DDX50: variants seen among roughly 807,000 people sequenced by gnomAD.
DDX50 encodes ATP-dependent RNA helicase DDX50.
Under a neutral mutation model 94.8 loss-of-function variants are expected in DDX50, and 56 were observed. The ratio of observed to expected loss-of-function variants is 0.59; its 90% CI spans 0.48 to 0.74. The LOEUF is 0.74. DDX50 is among the 30% of genes least tolerant of loss of function. The probability of loss-of-function intolerance (pLI) is 0.00; values close to 1 mark genes in which losing one functional copy is unlikely to be tolerated. For missense variants in DDX50, 713 were observed against 881.2 expected (o/e 0.81, Z 2.42); for synonymous variants, 264 against 295.4 (o/e 0.89, Z 1.09).
chr10:68,919,774 G>T (rs1841894735), intron 7 of DDX50, 58 bp from the exon 8 acceptor site: 1 of 1,585,528 alleles, frequency 6.3e-7, no homozygotes, highest in Non-Finnish European at 8.6e-7. Flanking sequence ...ATACACAAGA[G>T]AAATATTTTA....
intron 1 of DDX50, among the ~76,000 whole-genome samples, chr10:68,904,131 C>T (rs1428609856): frequency 2.0e-5 from 3 of 147,832 alleles, no homozygotes; most frequent in South Asian, 2.1e-4. Context: ...GCAACAAGAG[C>T]GAAACTCCGT....
Position 68,901,381 on chromosome 10 carries a change from A to G in DDX50, c.-4A>G, listed in dbSNP as rs768245849. 2 of 1,541,068 alleles carry G rather than the reference A, an allele frequency of 1.3e-6. No homozygotes were observed. The highest frequency in any genetic ancestry group is 4.0e-5 in the Admixed American group (2 of 49,956). ...TGCCCGGAGGGAGGCGGCGGTGGCC[A>G]GTAATGCCTGGGAAACTCCTCTGGG... is the stretch of plus-strand genomic sequence containing the variant. On this transcript the variant is annotated 5_prime_UTR_variant, in exon 1 of 15. Transcript: ENST00000373585.
intron 1 of DDX50, among the ~76,000 whole-genome samples, chr10:68,905,792 A>G (rs952072229): frequency 2.0e-5 from 3 of 152,234 alleles, no homozygotes; most frequent in East Asian, 3.8e-4. Flanking sequence ...GTATGCCTGT[A>G]GTCCCAGCTA....
Position 68,934,952 on chromosome 10 carries a change from C to A in DDX50, c.1521+34C>A. ...AGTTAAATTATTTCAGGCTTATTGTCTAAATGGTGCCTTAAAAGAGAGCTC... is the reference window on the plus strand; with the variant it reads ...AGTTAAATTATTTCAGGCTTATTGTATAAATGGTGCCTTAAAAGAGAGCTC... On this transcript the variant is annotated intron_variant, in intron 10 of 14. Coordinates refer to ENST00000373585, the MANE Select transcript of DDX50 (RefSeq NM_024045.2). This position sits in a 1 kb window ranked among gnomAD's most constrained non-coding sequence, Gnocchi z 4.0. The A allele has an allele frequency of 6.3e-7, 1 of 1,594,882 alleles. No individual in the cohort carries two copies. The highest frequency in any genetic ancestry group is 1.1e-5 in the South Asian group (1 of 87,840).
chr10:68,906,641 C>G (rs963652374), intron 1 of DDX50, 70 bp from the exon 2 acceptor site: 1 of 1,538,538 alleles, frequency 6.5e-7, no homozygotes, highest in Admixed American at 2.2e-5. Context: ...GGGAGTCATG[C>G]TCTAACTTCT....
intron 1 of DDX50, among the ~76,000 whole-genome samples, chr10:68,903,519 G>A (rs1279044681): frequency 1.4e-5 from 2 of 147,282 alleles, no homozygotes; most frequent in South Asian, 2.2e-4. Context: ...TACCAAAAAA[G>A]GCCAGGTGCG....
intron 14 of DDX50, 119 bp from the exon 15 acceptor site, chr10:68,946,233 G>A (rs1157125821): frequency 1.5e-5 from 19 of 1,249,246 alleles, no homozygotes; most frequent in South Asian, 3.5e-5. Context: ...TTCCAGATAC[G>A]TTAACAGAAT....
At chr10:68,929,321 C>CCT (rs1564612716) in intron 8 of DDX50, among the ~76,000 whole-genome samples, 5 of 143,698 alleles carry the variant, frequency 3.5e-5, no homozygotes, top group African/African-American at 1.4e-4. Context: ...CTCTTTCTTT[C>CCT]TCTTTCTTTC....
chr10:68,928,785 C>G (rs569941285), intron 8 of DDX50, among the ~76,000 whole-genome samples: 10 of 152,280 alleles, frequency 6.6e-5, no homozygotes, highest in Non-Finnish European at 1.2e-4. Flanking sequence ...TATACCCACT[C>G]TGTCTCCAGC....
intron 8 of DDX50, among the ~76,000 whole-genome samples, chr10:68,931,819 C>T (rs1842282474): frequency 6.6e-6 from 1 of 152,092 alleles, no homozygotes; most frequent in African/African-American, 2.4e-5. Context: ...ATTCCAATCT[C>T]ATCTCTCACT....
intron 2 of DDX50, among the ~76,000 whole-genome samples, chr10:68,909,706 C>A (rs576691318): frequency 4.0e-4 from 61 of 152,120 alleles, no homozygotes; most frequent in East Asian, 3.7e-3. Context: ...CTTGTTGCCC[C>A]GGCTGGAGTG....
chr10:68,904,624 T>C (rs746707149), intron 1 of DDX50, among the ~76,000 whole-genome samples: 1 of 152,166 alleles, frequency 6.6e-6, no homozygotes, highest in Non-Finnish European at 1.5e-5. Context: ...TGCCAAGCAT[T>C]GTGGGTCTAA....
In DDX50 at chr10:68,946,411, A is replaced by C; in HGVS notation, c.1995A>C (p.Glu665Asp). ...LSVPAKLPEI[E>D]EYYDGNTSSN... ...TGCCAGCCAAATTACCTGAAATTGA[A>C]GAATATTATGATGGAAACACATCTT... The change falls in exon 15 of 15, where the codon GAA becomes GAC. Residue 665 changes from glutamate to aspartate, a missense_variant. By Grantham distance (45) the Glu-to-Asp change is conservative. This residue lies in a region of DDX50 where 428 missense variants were observed against 602.3 expected (regional missense o/e 0.71). Coordinates refer to ENST00000373585, the MANE Select transcript of DDX50 (RefSeq NM_024045.2). 1 of 1,614,228 alleles carries C rather than the reference A, an allele frequency of 6.2e-7. No individual in the cohort carries two copies. The highest frequency in any genetic ancestry group is 8.5e-7 in the Non-Finnish European group (1 of 1,180,028).
At chr10:68,945,369 C>G (rs375824219) in intron 14 of DDX50, among the ~76,000 whole-genome samples, 12 of 151,812 alleles carry the variant, frequency 7.9e-5, no homozygotes, top group African/African-American at 2.9e-4. Flanking sequence ...TGTAGTGGCA[C>G]GATCTCGGCT....
chr10:68,945,508 C>T (rs2132068536), intron 14 of DDX50, among the ~76,000 whole-genome samples: 1 of 151,998 alleles, frequency 6.6e-6, no homozygotes, highest in Middle Eastern at 3.4e-3. Context: ...AGTTTTACCA[C>T]GTTGGCCAGG....
intron 8 of DDX50, among the ~76,000 whole-genome samples, chr10:68,927,984 G>A (rs569504704): frequency 3.3e-5 from 5 of 152,246 alleles, no homozygotes; most frequent in African/African-American, 1.2e-4. Context: ...TTTTGCCATT[G>A]CAATGTAGGT....
chr10:68,936,032 TC>T lies in DDX50; in HGVS notation c.1550del (p.Pro517LeufsTer6). The T allele has an allele frequency of 1.2e-6, 2 of 1,609,978 alleles. No individual in the cohort carries two copies. Among genetic ancestry groups the T allele is most frequent in the African/African-American group, 1.3e-5 (1 of 74,870 alleles). ...GAATTACTTTTAAACGTGTAGGTGT[TC>T]CTTCTACAATGGATTTAGTTAAATC... Reference protein sequence around the residue: ...AGITFKRVGVPSTMDLVKSKS... With the variant: ...AGITFKRVGVXSTMDLVKSKS... On this transcript the variant is annotated frameshift_variant, in exon 11 of 15. Coordinates refer to ENST00000373585, the MANE Select transcript of DDX50 (RefSeq NM_024045.2). LOFTEE classifies it high-confidence loss of function.
At chr10:68,909,812 G>A (rs1224535677) in intron 2 of DDX50, among the ~76,000 whole-genome samples, 1 of 152,080 alleles carries the variant, frequency 6.6e-6, no homozygotes, top group Non-Finnish European at 1.5e-5. Context: ...ACAGGCATGC[G>A]CCACCATGCC....
chr10:68,935,600 G>A (rs773729177), intron 10 of DDX50, among the ~76,000 whole-genome samples: 5 of 151,910 alleles, frequency 3.3e-5, no homozygotes, highest in Admixed American at 6.6e-5. Flanking sequence ...TTTGGGAGGC[G>A]GAGATGGGCA....
Sources: gnomAD v4.1 joint callset for allele counts (sites outside exome capture counted in the v4.1 genomes callset) on GRCh38, gnomAD v4.1.1 for gene constraint, gnomAD v4.1.1 regional missense constraint, Gnocchi (gnomAD v3.1) non-coding constraint, MANE v1.5 for transcripts, NCBI Gene and HGNC (gene_info 2026-07-23, HGNC 2026-07-21) for gene names.